ZNF417: variants seen among roughly 807,000 people sequenced by gnomAD.
ZNF417 encodes zinc finger protein 417.
ZNF417 carries 5 observed loss-of-function variants against 7.4 expected under a neutral mutation model. The observed-to-expected ratio is 0.68, with a 90% CI of 0.35 to 1.43. The LOEUF (loss-of-function observed/expected upper bound fraction) is 1.43, where lower values mean the gene tolerates loss of function less well. ZNF417 is among the 40% of genes most tolerant of loss of function. The pLI, the probability that ZNF417 is intolerant of heterozygous loss-of-function variation, is 0.04. For missense variants in ZNF417, 437 were observed against 697.3 expected (o/e 0.63, Z 4.20); for synonymous variants, 147 against 239.1 (o/e 0.61, Z 3.55).
At chr19:57,916,287 C>T (rs1015039748) in intron 1 of ZNF417, 92 bp downstream of exon 1, 1 of 1,608,484 alleles carries the variant, frequency 6.2e-7, no homozygotes, top group African/African-American at 1.3e-5. Flanking sequence ...CGGGTACCGG[C>T]TACAGACCCG....
rs184178248 is a variant in ZNF417, at chr19:57,915,627, G to C, written c.33+752C>G. The C allele has an allele frequency of 1.2e-4, 44 of 362,400 alleles. 1 individual carries two copies. In the Middle Eastern group the frequency reaches 2.7e-3, roughly 23 times the overall value. 22.4% of individuals were successfully genotyped at this position (362,400 alleles called of 1,614,324 possible). On this transcript the variant is annotated intron_variant, in intron 1 of 2. Coordinates refer to ENST00000312026, the MANE Select transcript of ZNF417 (RefSeq NM_152475.3). ...CCTTGTTCATTCCTGGGTATAGGCT[G>C]AATTAACTTAGGGAAGGAATTCAGT...
Position 57,906,788 on chromosome 19 carries a change from GATA to G in ZNF417, c.*1759_*1761del, listed in dbSNP as rs906829033. ...AAAAAAAAAAAAAAAAAAATTTAGG[GATA>G]ATATCTAAGCCCATATAACCTGCTG... is the stretch of plus-strand genomic sequence containing the variant. On this transcript the variant is annotated 3_prime_UTR_variant, in exon 3 of 3. Coordinates refer to ENST00000312026, the MANE Select transcript of ZNF417 (RefSeq NM_152475.3). The G allele has an allele frequency of 3.1e-5, 4 of 127,610 alleles. No homozygotes were observed. Among genetic ancestry groups the G allele is most frequent in the African/African-American group, 1.1e-4 (4 of 35,332 alleles). The allele number at this position is 127,610 out of a possible 1,614,324, so 7.9% of individuals were successfully genotyped here.
intron 1 of ZNF417, among the ~76,000 whole-genome samples, chr19:57,916,093 C>T (rs879422700): frequency 6.6e-6 from 1 of 152,274 alleles, no homozygotes; most frequent in African/African-American, 2.4e-5. Flanking sequence ...TAATAAAACT[C>T]CTGTCTCCAG....
rs140273527 is a variant in ZNF417, at chr19:57,909,000, G to A, written c.1278C>T (p.His426=). The part of the protein sequence containing the change: ...SFRYRSHLTE[H]QRLHTGERPY... The stretch of plus-strand genomic sequence containing the variant: ...GTCTTTCCCCAGTGTGAAGTCTCTG[G>A]TGTTCAGTGAGGTGGGATCTGTACC... The change falls in exon 3 of 3, where the codon CAC becomes CAT. Residue 426 remains histidine (H), a synonymous_variant. Transcript: ENST00000312026. 2.5e-4 allele frequency: 408 copies of A among 1,602,862 alleles called. No individual in the cohort carries two copies. The highest frequency in any genetic ancestry group is 1.8e-3 in the African/African-American group (137 of 74,798).
rs1263886805 is a variant in ZNF417 at position 57,908,990 on chromosome 19, G to A, written c.1288C>T (p.His430Tyr). Residue 430 changes from histidine (H) to tyrosine (Y), a missense_variant, in exon 3 of 3, where the codon CAC becomes TAC. His to Tyr is a moderately conservative substitution (Grantham distance 83). Around this residue, in one of 5 missense-constraint regions of ZNF417, gnomAD observed 233 missense variants for 235.5 expected, o/e 0.99. Coordinates refer to ENST00000312026, the MANE Select transcript of ZNF417 (RefSeq NM_152475.3). The part of the protein sequence containing the change: ...RSHLTEHQRL[H>Y]TGERPYNCRE... ...CAATTGTAAGGTCTTTCCCCAGTGTGAAGTCTCTGGTGTTCAGTGAGGTGG... is the reference window on the plus strand; with the variant it reads ...CAATTGTAAGGTCTTTCCCCAGTGTAAAGTCTCTGGTGTTCAGTGAGGTGG... The A allele has an allele frequency of 6.2e-7, 1 of 1,613,918 alleles. No homozygotes were observed. Among genetic ancestry groups the A allele is most frequent in the Non-Finnish European group, 8.5e-7 (1 of 1,179,978 alleles).
intron 1 of ZNF417, chr19:57,915,748 A>AGT (rs1366255211): frequency 2.2e-5 from 9 of 410,554 alleles, no homozygotes; most frequent in Non-Finnish European, 3.4e-5. Flanking sequence ...GGACTAACGA[A>AGT]TTAGCTACAA....
rs1446271417 is a variant in ZNF417, at chr19:57,909,056, A to G, written c.1222T>C (p.Tyr408His). ...HQRGHTGERPYECKECGKSFR... is the reference protein window; with the variant it reads ...HQRGHTGERPHECKECGKSFR... ...GATTTCCCACATTCCTTGCACTCAT[A>G]GGGCCTTTCTCCAGTATGACCTCGC... is the stretch of plus-strand genomic sequence containing the variant. The change falls in exon 3 of 3, where the codon TAT (tyrosine) becomes CAT (histidine). Residue 408 changes from tyrosine to histidine, a missense_variant. Tyr to His is a moderately conservative substitution (Grantham distance 83, BLOSUM62 2). Transcript: ENST00000312026. 6.2e-7 allele frequency: 1 copy of G among 1,614,058 alleles called. No homozygotes were observed.
At position 57,909,312 on chromosome 19, in the gene ZNF417, C is replaced by G. The variant is rs146206648; in HGVS notation, c.966G>C (p.Arg322Ser). 17 of 1,614,030 alleles carry G rather than the reference C, an allele frequency of 1.1e-5. No homozygotes were observed. The African/African-American group carries it at 2.3e-4, about 22-fold the overall frequency. ...ISHQRVHTGE[R>S]PYECREYGKS... ...TCCCATATTCTCTACACTCATAAGG[C>G]CTTTCTCCAGTGTGAACACGCTGAT... Residue 322 changes from arginine (R) to serine (S), a missense_variant, in exon 3 of 3, where the codon AGG becomes AGC. Coordinates refer to ENST00000312026, the MANE Select transcript of ZNF417 (RefSeq NM_152475.3).
At position 57,908,694 on chromosome 19, in the gene ZNF417, G is replaced by T. The variant is rs1415997522; in HGVS notation, c.1584C>A (p.Ser528=). 5 of 1,613,612 alleles carry T rather than the reference G, an allele frequency of 3.1e-6. No individual in the cohort carries two copies. Among genetic ancestry groups the T allele is most frequent in the Non-Finnish European group, 4.2e-6 (5 of 1,179,938 alleles). The change falls in exon 3 of 3, where the codon TCC becomes TCA. Residue 528 remains serine (S), a synonymous_variant. Transcript: ENST00000312026. ...TAATGAGACTGGAACATTCAGCAAAGGATTTTCCACATTCACTGCACTTAT... is the reference window on the plus strand; with the variant it reads ...TAATGAGACTGGAACATTCAGCAAATGATTTTCCACATTCACTGCACTTAT... ...KPYKCSECGK[S]FAECSSLIKH...
In ZNF417 at chr19:57,906,886, G is replaced by A. The variant is rs1218428708; in HGVS notation, c.*1664C>T. On this transcript the variant is annotated 3_prime_UTR_variant, in exon 3 of 3. Transcript: ENST00000312026. Reference sequence around the variant, plus strand: ...TTTTTTTTTTTTGAGACGGAGTCTCGCTCTGTCACCAGGCTGGAGTGCAGT... The same window carrying A: ...TTTTTTTTTTTTGAGACGGAGTCTCACTCTGTCACCAGGCTGGAGTGCAGT... 2.9e-5 allele frequency: 3 copies of A among 105,192 alleles called. No homozygotes were observed. The highest frequency in any genetic ancestry group is 1.2e-4 in the African/African-American group (3 of 25,590). The allele number at this position is 105,192 out of a possible 1,614,324, so 6.5% of individuals were successfully genotyped here.
At position 57,912,078 on chromosome 19, in the gene ZNF417, C is replaced by A. The variant is rs757180277; in HGVS notation, c.145G>T (p.Ala49Ser). 8.2e-6 allele frequency: 13 copies of A among 1,591,346 alleles called. No individual in the cohort carries two copies. In the East Asian group the frequency reaches 2.9e-4, roughly 36 times the overall value. ...LYRDVMLENL[A>S]LISSLGCWCG... Reference sequence around the variant, plus strand: ...AACTTACCCAGCGAGGATATGAGAGCCAGGTTCTCTAGCATCACATCACGG... The same window carrying A: ...AACTTACCCAGCGAGGATATGAGAGACAGGTTCTCTAGCATCACATCACGG... The change falls in exon 2 of 3, where the codon GCT becomes TCT. Residue 49 changes from alanine (A) to serine (S), a missense_variant. By Grantham distance (99) the Ala-to-Ser change is moderately conservative (BLOSUM62 1). Transcript: ENST00000312026.
intron 2 of ZNF417, 59 bp from the exon 3 acceptor site, chr19:57,910,173 A>G: frequency 6.5e-7 from 1 of 1,548,068 alleles, no homozygotes; most frequent in Non-Finnish European, 8.7e-7. Flanking sequence ...GGCACAGCCC[A>G]CCCACAAGTA....
At chr19:57,910,219 T>C (rs2071888406) in intron 2 of ZNF417, 105 bp from the exon 3 acceptor site, 2 of 1,493,860 alleles carry the variant, frequency 1.3e-6, no homozygotes, top group Admixed American at 2.4e-5. Flanking sequence ...TATAGAAATA[T>C]TTGCAGGAAC....
intron 1 of ZNF417, among the ~76,000 whole-genome samples, chr19:57,912,664 A>G (rs1483539837): frequency 6.6e-6 from 1 of 152,110 alleles, no homozygotes; most frequent in Non-Finnish European, 1.5e-5. Flanking sequence ...GCTGGAGTGC[A>G]GTGGCATGAT....
chr19:57,908,963 T>C lies in ZNF417; in HGVS notation c.1315A>G (p.Arg439Gly). 1 of 1,613,892 alleles carries C rather than the reference T, an allele frequency of 6.2e-7. No homozygotes were observed. The highest frequency in any genetic ancestry group is 8.5e-7 in the Non-Finnish European group (1 of 1,179,928). Residue 439 changes from arginine (R) to glycine (G), a missense_variant, in exon 3 of 3, where the codon AGG becomes GGG. Coordinates refer to ENST00000312026, the MANE Select transcript of ZNF417 (RefSeq NM_152475.3). Reference sequence around the variant, plus strand: ...CTGTTAAATAATTTCCCACATTCCCTACAATTGTAAGGTCTTTCCCCAGTG... The same window carrying C: ...CTGTTAAATAATTTCCCACATTCCCCACAATTGTAAGGTCTTTCCCCAGTG... ...LHTGERPYNCRECGKLFNRKY... is the reference protein window; with the variant it reads ...LHTGERPYNCGECGKLFNRKY...
chr19:57,908,482 C>T lies in ZNF417; in HGVS notation c.*68G>A, dbSNP rs1227026970. 17 of 1,608,526 alleles carry T rather than the reference C, an allele frequency of 1.1e-5. No homozygotes were observed. Among genetic ancestry groups the T allele is most frequent in the Non-Finnish European group, 1.4e-5 (17 of 1,175,586 alleles). ...TGACAGCACTCATAAGGCCTTTCTCCAGTATGAACTCTCCTGTGTTTAATG... is the reference window on the plus strand; with the variant it reads ...TGACAGCACTCATAAGGCCTTTCTCTAGTATGAACTCTCCTGTGTTTAATG... On this transcript the variant is annotated 3_prime_UTR_variant, in exon 3 of 3. Coordinates refer to ENST00000312026, the MANE Select transcript of ZNF417 (RefSeq NM_152475.3).
At chr19:57,915,490 C>G (rs959011185) in intron 1 of ZNF417, 11 of 499,182 alleles carry the variant, frequency 2.2e-5, no homozygotes, top group African/African-American at 4.1e-5. Flanking sequence ...CCGCATCCCA[C>G]GGGTGTCAGA....
At chr19:57,914,483 C>CAAAAAAAAAAAA (rs528220711) in intron 1 of ZNF417, among the ~76,000 whole-genome samples, 4 of 57,612 alleles carry the variant, frequency 6.9e-5, no homozygotes, top group Non-Finnish European at 1.1e-4. Context: ...CGAAACTCCA[C>CAAAAAAAAAAAA]AAAAAAAAAA....
chr19:57,914,483 CAAAAAAAA>C (rs528220711), intron 1 of ZNF417, among the ~76,000 whole-genome samples: 2 of 57,610 alleles, frequency 3.5e-5, no homozygotes, highest in Non-Finnish European at 7.2e-5. Context: ...CGAAACTCCA[CAAAAAAAA>C]AAAAAAAAAA....
Sources: gnomAD v4.1 joint callset for allele counts (sites outside exome capture counted in the v4.1 genomes callset) on GRCh38, gnomAD v4.1.1 for gene constraint, gnomAD v4.1.1 regional missense constraint, MANE v1.5 for transcripts, NCBI Gene and HGNC (gene_info 2026-07-23, HGNC 2026-07-21) for gene names.